MYOM1: variants seen among roughly 807,000 people sequenced by gnomAD.
MYOM1 encodes the protein myomesin-1.
In MYOM1, 164 loss-of-function variants were observed where a neutral mutation model predicts 205.3. The ratio of observed to expected loss-of-function variants is 0.80; its 90% CI spans 0.70 to 0.91. The LOEUF (loss-of-function observed/expected upper bound fraction) is 0.91. Ranked by LOEUF, MYOM1 falls within the 40% of genes least tolerant of loss-of-function variation. The pLI is 0.00. For synonymous variants in MYOM1, 772 were observed against 789.4 expected, an observed-to-expected ratio of 0.98 and a Z score of 0.37; for missense variants, 2,011 against 2,127.3, an observed-to-expected ratio of 0.95 and a Z score of 1.08.
chr18:3,193,236 T>C (rs1046975085), intron 3 of MYOM1, among the ~76,000 whole-genome samples: 2 of 151,730 alleles, frequency 1.3e-5, no homozygotes, highest in East Asian at 3.9e-4. Context: ...TTTGTGCCAC[T>C]GCACTCCAGC....
intron 13 of MYOM1, among the ~76,000 whole-genome samples, chr18:3,148,899 A>T (rs1247045928): frequency 6.6e-6 from 1 of 151,106 alleles, no homozygotes; most frequent in Non-Finnish European, 1.5e-5. Context: ...TCATGGGTAT[A>T]TACATGTGTA....
intron 9 of MYOM1, among the ~76,000 whole-genome samples, chr18:3,166,136 G>T (rs2080465660): frequency 6.6e-6 from 1 of 152,184 alleles, no homozygotes; most frequent in Admixed American, 6.5e-5. Context: ...TGAACTTCAA[G>T]GGGTGACAGC....
rs2144142483 is a variant in MYOM1, at chr18:3,187,584, A to G, written c.825T>C (p.His275=). The G allele has an allele frequency of 3.1e-6, 5 of 1,613,592 alleles. No homozygotes were observed. Among genetic ancestry groups the G allele is most frequent in the African/African-American group, 1.3e-5 (1 of 75,042 alleles). The change falls in exon 5 of 38, where the codon CAT becomes CAC. Residue 275 remains histidine (H), a synonymous_variant. Transcript: ENST00000356443. ...GAGGTTTAATGATAAACTCAGGAGC[A>G]TGGAGAAGATGGTCTTCATTCAGCT... ...HAKLNEDHLL[H]APEFIIKPRS...
At chr18:3,156,481 T>C (rs1473382608) in intron 10 of MYOM1, among the ~76,000 whole-genome samples, 3 of 152,244 alleles carry the variant, frequency 2.0e-5, no homozygotes, top group Non-Finnish European at 4.4e-5. Context: ...GGAAAGCATC[T>C]AGGCAAATAT....
At chr18:3,177,441 A>ATATCAT (rs1202152404) in intron 5 of MYOM1, among the ~76,000 whole-genome samples, 1 of 117,220 alleles carries the variant, frequency 8.5e-6, no homozygotes, top group Non-Finnish European at 1.8e-5. Flanking sequence ...GTTAGAAGCA[A>ATATCAT]TATCATTATT....
chr18:3,129,813 A>C (rs1210954083), intron 17 of MYOM1, among the ~76,000 whole-genome samples: 1 of 152,216 alleles, frequency 6.6e-6, no homozygotes, highest in Non-Finnish European at 1.5e-5. Context: ...CTTTTAGTAT[A>C]TATAAGGAAA....
chr18:3,081,172 C>T (rs918623339), intron 33 of MYOM1, among the ~76,000 whole-genome samples: 2 of 151,910 alleles, frequency 1.3e-5, no homozygotes, highest in Non-Finnish European at 2.9e-5. Flanking sequence ...GAAAGATTGT[C>T]CTCTGCTTTG....
At position 3,129,314 on chromosome 18, in the gene MYOM1, C is replaced by T. The variant is rs778663816; in HGVS notation, c.2712G>A (p.Gln904=). ...TCTGTGGTGGCGGGGTAAGCTCTTC[C>T]TGAACTGTTTCACTTACTTTACTCA... The part of the protein sequence containing the change: ...TEVSKVSETV[Q]EELTPPPQKA... The change falls in exon 18 of 38, where the codon CAG becomes CAA. Residue 904 remains glutamine, a synonymous_variant. Coordinates refer to ENST00000356443, the MANE Select transcript of MYOM1 (RefSeq NM_003803.4). 1.9e-6 allele frequency: 3 copies of T among 1,613,978 alleles called. No homozygotes were observed. The highest frequency in any genetic ancestry group is 2.5e-6 in the Non-Finnish European group (3 of 1,179,884).
At chr18:3,122,776 A>G (rs960228161) in intron 19 of MYOM1, among the ~76,000 whole-genome samples, 1 of 152,154 alleles carries the variant, frequency 6.6e-6, no homozygotes, top group Non-Finnish European at 1.5e-5. Flanking sequence ...AATAAAAGGG[A>G]AAAAAATCAT....
rs77302574 is a variant in MYOM1, at chr18:3,174,872, C to T, written c.1023-664G>A. The stretch of plus-strand genomic sequence containing the variant: ...ACACAAGAAGCGCCATTTGGATGTT[C>T]TTCTAAGTTATAATACAGAAACTGG... On this transcript the variant is annotated intron_variant, in intron 6 of 37. Transcript: ENST00000356443. Among the ~76,000 whole-genome samples, 6 of 152,292 alleles carry T rather than the reference C, an allele frequency of 3.9e-5. No homozygotes were observed. In the South Asian group the frequency reaches 1.2e-3, roughly 32 times the overall value.
rs1381950760 is a variant in MYOM1 at position 3,174,314 on chromosome 18, G to A, written c.1023-106C>T. The A allele has an allele frequency of 7.7e-6, 7 of 908,680 alleles. No individual in the cohort carries two copies. In the African/African-American group the frequency reaches 9.9e-5, roughly 13 times the overall value. 56.3% of individuals were successfully genotyped at this position (908,680 alleles called of 1,614,324 possible). Reference sequence around the variant, plus strand: ...CTATCACAGCCCCCTGCAAATCAGTGGCTAACACATGGCTCTTTGGTTCTC... The same window carrying A: ...CTATCACAGCCCCCTGCAAATCAGTAGCTAACACATGGCTCTTTGGTTCTC... On this transcript the variant is annotated intron_variant, in intron 6 of 37. Coordinates refer to ENST00000356443, the MANE Select transcript of MYOM1 (RefSeq NM_003803.4).
chr18:3,198,166 G>C (rs993811466), intron 2 of MYOM1, among the ~76,000 whole-genome samples: 1 of 152,144 alleles, frequency 6.6e-6, no homozygotes, highest in African/African-American at 2.4e-5. Flanking sequence ...AATTTTTCCA[G>C]GTTCACTAGG....
the MYOM1 span, among the ~76,000 whole-genome samples, chr18:3,242,474 A>C: frequency 6.6e-6 from 1 of 151,944 alleles, no homozygotes; most frequent in African/African-American, 2.4e-5. Flanking sequence ...AGTCCATTAA[A>C]CCTCTTTCTT....
intron 8 of MYOM1, among the ~76,000 whole-genome samples, chr18:3,171,466 G>C (rs191496928): frequency 2.6e-5 from 4 of 152,318 alleles, no homozygotes; most frequent in African/African-American, 9.6e-5. Flanking sequence ...CTGTATCTGA[G>C]ATTGGACTGC....
chr18:3,204,396 CA>C (rs2081106247), intron 2 of MYOM1, among the ~76,000 whole-genome samples: 3 of 151,724 alleles, frequency 2.0e-5, no homozygotes, highest in African/African-American at 7.2e-5. Context: ...GATATAAAAT[CA>C]AAACACAAAA....
intron 14 of MYOM1, among the ~76,000 whole-genome samples, chr18:3,139,976 AC>A (rs1216937625): frequency 2.0e-5 from 3 of 152,230 alleles, no homozygotes. Flanking sequence ...AAAGATGGTA[AC>A]TACTGTCACA....
At chr18:3,242,286 T>C in the MYOM1 span, among the ~76,000 whole-genome samples, 13 of 152,108 alleles carry the variant, frequency 8.5e-5, no homozygotes, top group African/African-American at 2.7e-4. Context: ...TGGGAGGTAA[T>C]TGAATCATGG....
chr18:3,132,522 C>T (rs28716082), intron 16 of MYOM1, among the ~76,000 whole-genome samples: 14,769 of 152,034 alleles, frequency 0.097, 764 homozygotes, highest in Middle Eastern at 0.21. Context: ...TTGGTAAACT[C>T]GTGTCACAGG....
intron 36 of MYOM1, among the ~76,000 whole-genome samples, chr18:3,073,974 T>A (rs890183400): frequency 6.6e-6 from 1 of 152,244 alleles, no homozygotes; most frequent in African/African-American, 2.4e-5. Context: ...TGGATTTAGC[T>A]GAACTAAGGA....
Sources: allele counts gnomAD v4.1 joint callset (sites outside exome capture counted in the v4.1 genomes callset), GRCh38; gene constraint gnomAD v4.1.1; transcripts MANE v1.5; gene names NCBI Gene and HGNC (gene_info 2026-07-23, HGNC 2026-07-21).